Variants in SACS observed in about 807,000 individuals in gnomAD.
The protein encoded by SACS is sacsin.
SACS carries 197 observed loss-of-function variants against 348.0 expected under a neutral mutation model. The ratio of observed to expected loss-of-function variants is 0.57; its 90% confidence interval spans 0.50 to 0.64. The LOEUF (loss-of-function observed/expected upper bound fraction) is 0.64. SACS is among the 30% of genes least tolerant of loss of function. The pLI is 0.00. For missense variants in SACS, 4,999 were observed against 5,360.8 expected (o/e 0.93, Z 2.11); for synonymous variants, 1,985 against 1,910.6 (o/e 1.04, Z -1.02).
At position 23,334,675 on chromosome 13, in the gene SACS, G is replaced by C; in HGVS notation, c.9201C>G (p.Phe3067Leu). ...TTTCATCACAGTTATAAACCAAGTT[G>C]AAACCAATTTCTAAAAGGAGATGTT... is the stretch of plus-strand genomic sequence containing the variant. The part of the protein sequence containing the change: ...RLKHLLLEIG[F>L]NLVYNCDETA... Residue 3067 changes from phenylalanine (F) to leucine (L), a missense_variant, in exon 10 of 10, where the codon TTC (phenylalanine) becomes TTG (leucine). Physicochemically the swap from Phe to Leu is conservative, Grantham distance 22 (BLOSUM62 0). Around this residue, in one of 6 missense-constraint regions of SACS, gnomAD observed 734 missense variants for 694.0 expected, o/e 1.06. Coordinates refer to ENST00000382292, the MANE Select transcript of SACS (RefSeq NM_014363.6). The C allele has an allele frequency of 5.6e-6, 9 of 1,613,668 alleles. No individual in the cohort carries two copies. The highest frequency in any genetic ancestry group is 6.8e-6 in the Non-Finnish European group (8 of 1,179,732).
intron 9 of SACS, among the ~76,000 whole-genome samples, chr13:23,344,188 G>C (rs1341679457): frequency 1.3e-5 from 2 of 152,018 alleles, no homozygotes; most frequent in Non-Finnish European, 2.9e-5. Flanking sequence ...CAAAAAAAGG[G>C]TTAGAAATTA....
Position 23,340,773 on chromosome 13 carries a change from T to G in SACS, c.3103A>C (p.Thr1035Pro). 6.2e-7 allele frequency: 1 copy of G among 1,607,288 alleles called. No individual in the cohort carries two copies. The highest frequency in any genetic ancestry group is 8.5e-7 in the Non-Finnish European group (1 of 1,177,112). The stretch of plus-strand genomic sequence containing the variant: ...GATATCTGGATGAATTTTAATGGTG[T>G]TAACCACTCAAGCACATTTGGATTC... Reference protein sequence around the residue: ...NENPNVLEWLTPLKFIQISQE... With the variant: ...NENPNVLEWLPPLKFIQISQE... The change falls in exon 10 of 10, where the codon ACA becomes CCA. Residue 1035 changes from threonine to proline, a missense_variant. By Grantham distance (38) the Thr-to-Pro change is conservative. Coordinates refer to ENST00000382292, the MANE Select transcript of SACS (RefSeq NM_014363.6).
At chr13:23,383,732 C>T (rs865979382) in intron 2 of SACS, among the ~76,000 whole-genome samples, 11 of 152,200 alleles carry the variant, frequency 7.2e-5, no homozygotes, top group Non-Finnish European at 1.5e-4. Flanking sequence ...GGACAAACGA[C>T]GCTTATGTCT....
At chr13:23,412,075 C>G (rs1334632602) in intron 1 of SACS, among the ~76,000 whole-genome samples, 1 of 152,196 alleles carries the variant, frequency 6.6e-6, no homozygotes, top group Non-Finnish European at 1.5e-5. Context: ...CTGGCTAATA[C>G]GGTGAAACCC....
At chr13:23,394,454 C>T (rs1008152525) in intron 2 of SACS, among the ~76,000 whole-genome samples, 1 of 152,168 alleles carries the variant, frequency 6.6e-6, no homozygotes, top group Admixed American at 6.5e-5. Context: ...CCAATCTCAC[C>T]CCCATTGTGT....
intron 9 of SACS, among the ~76,000 whole-genome samples, chr13:23,344,299 T>C (rs1305733137): frequency 6.6e-6 from 1 of 152,204 alleles, no homozygotes; most frequent in African/African-American, 2.4e-5. Flanking sequence ...TCTTACCCAA[T>C]AGCCTTGCAT....
At chr13:23,391,418 A>G (rs1208029547) in intron 2 of SACS, among the ~76,000 whole-genome samples, 2 of 152,152 alleles carry the variant, frequency 1.3e-5, no homozygotes, top group African/African-American at 4.8e-5. Flanking sequence ...TTGCAGGTGG[A>G]GTTGGCCCAT....
rs778509168 is a variant in SACS, at chr13:23,332,388, A to T, written c.11488T>A (p.Leu3830Ile). ...DFKPYLYKLP[L>I]ELGTFHQLFK... Reference sequence around the variant, plus strand: ...AACTGGTGAAATGTGCCAAGTTCTAAAGGTAGCTTGTACAAATAAGGTTTA... The same window carrying T: ...AACTGGTGAAATGTGCCAAGTTCTATAGGTAGCTTGTACAAATAAGGTTTA... Residue 3830 changes from leucine (L) to isoleucine (I), a missense_variant, in exon 10 of 10, where the codon TTA (leucine) becomes ATA (isoleucine). Coordinates refer to ENST00000382292, the MANE Select transcript of SACS (RefSeq NM_014363.6). 6.2e-7 allele frequency: 1 copy of T among 1,614,008 alleles called. No homozygotes were observed. The highest frequency in any genetic ancestry group is 1.7e-5 in the Admixed American group (1 of 60,018).
intron 1 of SACS, among the ~76,000 whole-genome samples, chr13:23,420,148 T>C (rs1393845966): frequency 6.6e-6 from 1 of 152,120 alleles, no homozygotes; most frequent in African/African-American, 2.4e-5. Flanking sequence ...GGCCTGTGTG[T>C]CAATCTGGTG....
chr13:23,339,985 A>G lies in SACS; in HGVS notation c.3891T>C (p.Asp1297=). ...LAQAVIKPIH[D]LDLQPYLHNV... is the part of the protein sequence containing the mutation. The stretch of plus-strand genomic sequence containing the variant: ...TATGCAAATAAGGCTGAAGGTCAAG[A>G]TCATGGATTGGTTTAATCACAGCCT... Residue 1297 remains aspartate, a synonymous_variant, in exon 10 of 10, where the codon GAT becomes GAC. Coordinates refer to ENST00000382292, the MANE Select transcript of SACS (RefSeq NM_014363.6). 2 of 1,613,506 alleles carry G rather than the reference A, an allele frequency of 1.2e-6. No individual in the cohort carries two copies. Among genetic ancestry groups the G allele is most frequent in the South Asian group, 2.2e-5 (2 of 90,882 alleles).
At chr13:23,366,147 A>C (rs1871046416) in intron 5 of SACS, among the ~76,000 whole-genome samples, 1 of 152,252 alleles carries the variant, frequency 6.6e-6, no homozygotes, top group Non-Finnish European at 1.5e-5. Context: ...TTGGAGGTAC[A>C]GATGGGCAAA....
At position 23,339,821 on chromosome 13, in the gene SACS, C is replaced by T. The variant is rs1379038246; in HGVS notation, c.4055G>A (p.Ser1352Asn). ...CAACATAAGATGAAGATTTTGTTTG[C>T]TTTCTTGTTCACTGAGATCTTGGTC... ...KSDQDLSEQE[S>N]KQNLHLMLNI... Residue 1352 changes from serine (S) to asparagine (N), a missense_variant, in exon 10 of 10, where the codon AGC becomes AAC. By Grantham distance (46) the Ser-to-Asn change is conservative. Coordinates refer to ENST00000382292, the MANE Select transcript of SACS (RefSeq NM_014363.6). The T allele has an allele frequency of 6.2e-7, 1 of 1,612,676 alleles. No homozygotes were observed. Among genetic ancestry groups the T allele is most frequent in the Non-Finnish European group, 8.5e-7 (1 of 1,179,386 alleles).
At chr13:23,359,020 A>G (rs1442103765) in intron 6 of SACS, among the ~76,000 whole-genome samples, 2 of 152,058 alleles carry the variant, frequency 1.3e-5, no homozygotes, top group Non-Finnish European at 2.9e-5. Flanking sequence ...TCTCTACTAA[A>G]AAATACAAAA....
At position 23,341,405 on chromosome 13, in the gene SACS, GATGGAATCCT is replaced by G; in HGVS notation, c.2461_2470del (p.Ile822Ter). 6.2e-7 allele frequency: 1 copy of G among 1,611,692 alleles called. No homozygotes were observed. ...AGATTCATCGTCTAAAATGACTAAC[GATGGAATCCT>G]GAGTCTAATGAGTTCCACACATGTC... On this transcript the variant is annotated frameshift_variant, in exon 10 of 10. Transcript: ENST00000382292. LOFTEE classifies it high-confidence loss of function.
At chr13:23,342,638 G>T (rs736175) in intron 9 of SACS, among the ~76,000 whole-genome samples, 79,465 of 152,016 alleles carry the variant, frequency 0.52, 20,998 homozygotes, top group East Asian at 0.66. Context: ...TGGGGTTTCA[G>T]ATTTTTGGGT....
rs754439135 is a variant in SACS, at chr13:23,338,724, ATTT to A, written c.5149_5151del (p.Lys1717del). 1.7e-4 allele frequency: 281 copies of A among 1,605,954 alleles called. No homozygotes were observed. The highest frequency in any genetic ancestry group is 2.3e-4 in the Non-Finnish European group (272 of 1,176,690). On this transcript the variant is annotated inframe_deletion, in exon 10 of 10. Transcript: ENST00000382292. ...GTGTTCAATGCTTTGGAAGAGCAGG[ATTT>A]TTTTTTAATTATTACTGTATCTTGT...
chr13:23,390,444 G>A lies in SACS; in HGVS notation c.21-15175C>T, dbSNP rs1016102602. On this transcript the variant is annotated intron_variant, in intron 2 of 9. Transcript: ENST00000382292. The stretch of plus-strand genomic sequence containing the variant: ...GGAAGCTGAGGTAGGCACATTGCTT[G>A]AGTTCAGGAGTCCTAGACCAGCCTG... 1.2e-4 allele frequency among the ~76,000 whole-genome samples: 19 copies of A among 152,266 alleles called. 1 individual carries two copies. The highest frequency in any genetic ancestry group is 3.6e-4 in the African/African-American group (15 of 41,570).
rs1883686190 is a variant in SACS at position 23,334,280 on chromosome 13, A to C, written c.9596T>G (p.Ile3199Ser). 6.2e-7 allele frequency: 1 copy of C among 1,602,048 alleles called. No individual in the cohort carries two copies. The highest frequency in any genetic ancestry group is 8.5e-7 in the Non-Finnish European group (1 of 1,173,922). Residue 3199 changes from isoleucine to serine, a missense_variant, in exon 10 of 10, where the codon ATT (isoleucine) becomes AGT (serine). By Grantham distance (142) the Ile-to-Ser change is moderately radical. Around this residue, in one of 6 missense-constraint regions of SACS, gnomAD observed 734 missense variants for 694.0 expected, o/e 1.06. Transcript: ENST00000382292. ...TTTTGCAACTTTACAGTTCAATAAA[A>C]TATTACTATATTTCAAATATAATGT... ...MNTLYLKYSN[I>S]LLNCKVAKVF...
At chr13:23,400,957 C>T (rs7331463) in intron 2 of SACS, among the ~76,000 whole-genome samples, 54,263 of 149,924 alleles carry the variant, frequency 0.36, 10,880 homozygotes, top group East Asian at 0.56. Context: ...TAAGTTTATT[C>T]GATTTGTTGA....
Sources: gnomAD v4.1 joint callset for allele counts (sites outside exome capture counted in the v4.1 genomes callset) on GRCh38, gnomAD v4.1.1 for gene constraint, gnomAD v4.1.1 regional missense constraint, MANE v1.5 for transcripts, NCBI Gene and HGNC (gene_info 2026-07-23, HGNC 2026-07-21) for gene names.